The following FOXP2 variants were observed in gnomAD, a reference collection of about 807,000 sequenced individuals.
FOXP2 encodes the protein forkhead box protein P2.
FOXP2 carries 12 observed loss-of-function variants against 115.8 expected under a neutral mutation model. The ratio of observed to expected loss-of-function variants is 0.10; its 90% CI spans 0.07 to 0.17. The LOEUF is 0.17. Among genes scored for constraint, FOXP2 ranks in the 10% least tolerant of loss-of-function variants. The pLI is 1.00. For missense variants in FOXP2, 629 were observed against 843.5 expected (o/e 0.75, Z 3.15); for synonymous variants, 328 against 297.7 (o/e 1.10, Z -1.05).
At chr7:114,239,661 A>G (rs1795101944) in intron 1 of FOXP2, among the ~76,000 whole-genome samples, 1 of 152,150 alleles carries the variant, frequency 6.6e-6, no homozygotes. Flanking sequence ...CTACTTAGAC[A>G]AAAAAAGGCA....
chr7:114,152,029 A>G lies in FOXP2; in HGVS notation c.-246-10915A>G, dbSNP rs116759997. On this transcript the variant is annotated intron_variant, in intron 1 of 19. Transcript: ENST00000635638. ...TTCATTATCTTCAAGATCTAAAACTACAGCTCGAATGTAAAAATAGTTAAG... is the reference window on the plus strand; with the variant it reads ...TTCATTATCTTCAAGATCTAAAACTGCAGCTCGAATGTAAAAATAGTTAAG... 3.6e-3 allele frequency among the ~76,000 whole-genome samples: 553 copies of G among 152,306 alleles called. 5 individuals are homozygous for G. Among genetic ancestry groups the G allele is most frequent in the African/African-American group, 0.013 (529 of 41,584 alleles).
intron 1 of FOXP2, among the ~76,000 whole-genome samples, chr7:114,210,615 G>T (rs1482550240): frequency 6.6e-6 from 1 of 152,182 alleles, no homozygotes; most frequent in African/African-American, 2.4e-5. Context: ...GTCTCACCCA[G>T]TCAGGAGGAA....
intron 1 of FOXP2, among the ~76,000 whole-genome samples, chr7:114,179,421 T>G (rs751946488): frequency 1.3e-5 from 2 of 152,016 alleles, no homozygotes; most frequent in Non-Finnish European, 2.9e-5. Context: ...TACCATACTA[T>G]TTCCCACTCT....
chr7:114,160,220 G>A (rs893304848), upstream of FOXP2, among the ~76,000 whole-genome samples: 5 of 152,134 alleles, frequency 3.3e-5, no homozygotes, highest in Non-Finnish European at 7.3e-5. Context: ...GAGGAGGAGG[G>A]ATTCTAGTTT....
intron 1 of FOXP2, among the ~76,000 whole-genome samples, chr7:114,132,940 T>A (rs1252182334): frequency 1.3e-5 from 2 of 152,144 alleles, no homozygotes; most frequent in Non-Finnish European, 2.9e-5. Flanking sequence ...TATCTTTTCA[T>A]ATAATCACTC....
chr7:114,161,534 A>G (rs1792830648), upstream of FOXP2, among the ~76,000 whole-genome samples: 1 of 50,536 alleles, frequency 2.0e-5, no homozygotes, highest in Admixed American at 2.3e-4. Flanking sequence ...TTTTCTCACA[A>G]TAGTTTTTTT....
intron 2 of FOXP2, among the ~76,000 whole-genome samples, chr7:114,394,998 GA>G (rs34536024): frequency 6.6e-6 from 1 of 151,838 alleles, no homozygotes. Context: ...GGTGATGCAG[GA>G]AAAAATTCTT....
intron 1 of FOXP2, among the ~76,000 whole-genome samples, chr7:114,175,192 G>T (rs1793256766): frequency 6.6e-6 from 1 of 151,906 alleles, no homozygotes; most frequent in Non-Finnish European, 1.5e-5. Context: ...AGACAAGATG[G>T]TAAAGACAAA....
intron 2 of FOXP2, among the ~76,000 whole-genome samples, chr7:114,518,171 T>TCCAC (rs1474499715): frequency 1.3e-5 from 2 of 152,112 alleles, no homozygotes; most frequent in Non-Finnish European, 2.9e-5. Context: ...ACATGTTTTG[T>TCCAC]CCACCCCTTT....
chr7:114,450,814 A>G (rs1158982960), intron 2 of FOXP2, among the ~76,000 whole-genome samples: 3 of 152,114 alleles, frequency 2.0e-5, no homozygotes, highest in African/African-American at 7.2e-5. Flanking sequence ...CTGGAAGTAC[A>G]TAGAGGGATG....
At chr7:114,410,874 C>CA (rs1004038451), upstream of FOXP2, among the ~76,000 whole-genome samples, 460 of 126,620 alleles carry the variant, frequency 3.6e-3, 1 homozygote, top group African/African-American at 0.01. Context: ...TGGCAGTAGC[C>CA]AAAAAAAAAA....
At chr7:114,432,767 A>T (rs148084654) in intron 2 of FOXP2, among the ~76,000 whole-genome samples, 1 of 152,032 alleles carries the variant, frequency 6.6e-6, no homozygotes, top group East Asian at 1.9e-4. Context: ...AGAAGTGTAC[A>T]CTTGGCCTGA....
intron 1 of FOXP2, among the ~76,000 whole-genome samples, chr7:114,216,909 T>C (rs1227016045): frequency 6.6e-6 from 1 of 152,180 alleles, no homozygotes; most frequent in Admixed American, 6.5e-5. Context: ...AATCTAGGCA[T>C]TAGCAGTTTA....
chr7:114,197,455 C>T (rs1793942547), intron 1 of FOXP2, among the ~76,000 whole-genome samples: 1 of 152,142 alleles, frequency 6.6e-6, no homozygotes, highest in African/African-American at 2.4e-5. Flanking sequence ...GGCTCTGTGT[C>T]TCTTTATGAG....
intron 1 of FOXP2, among the ~76,000 whole-genome samples, chr7:114,248,124 G>A (rs964592553): frequency 6.6e-6 from 1 of 151,154 alleles, no homozygotes; most frequent in African/African-American, 2.4e-5. Context: ...GTCTCCAATG[G>A]TATAAGTTCA....
chr7:114,688,204 T>C (rs1232015062), intron 16 of FOXP2, among the ~76,000 whole-genome samples: 3 of 74,946 alleles, frequency 4.0e-5, no homozygotes, highest in African/African-American at 1.3e-4. Flanking sequence ...CATGCATACA[T>C]GCATACACAC....
chr7:114,448,665 G>A (rs566164939), intron 2 of FOXP2, among the ~76,000 whole-genome samples: 44 of 152,122 alleles, frequency 2.9e-4, no homozygotes, highest in Middle Eastern at 3.4e-3. Context: ...TTCTAGATAA[G>A]AAATGGCCAT....
At chr7:114,602,856 G>C (rs554000356) in intron 3 of FOXP2, among the ~76,000 whole-genome samples, 5 of 152,050 alleles carry the variant, frequency 3.3e-5, no homozygotes, top group African/African-American at 1.2e-4. Context: ...TAAAATATGG[G>C]TCAGTAAAAT....
intron 2 of FOXP2, among the ~76,000 whole-genome samples, chr7:114,299,272 A>T (rs1771174431): frequency 6.6e-6 from 1 of 152,028 alleles, no homozygotes; most frequent in African/African-American, 2.4e-5. Flanking sequence ...ATGTATGGAC[A>T]CCCTACTTGA....
Sources: gnomAD v4.1 joint callset for allele counts (sites outside exome capture counted in the v4.1 genomes callset) on GRCh38, gnomAD v4.1.1 for gene constraint, MANE v1.5 for transcripts, NCBI Gene and HGNC (gene_info 2026-07-23, HGNC 2026-07-21) for gene names.